CCDC102B: variants seen among roughly 807,000 people sequenced by gnomAD.
The protein encoded by CCDC102B is coiled-coil domain-containing protein 102B.
In CCDC102B, 75 loss-of-function variants were observed where a neutral mutation model predicts 57.4. The ratio of observed to expected loss-of-function variants is 1.31; its 90% CI spans 1.08 to 1.58. CCDC102B has a LOEUF of 1.58. Ranked by LOEUF, CCDC102B falls within the 40% of genes most tolerant of loss-of-function variation. CCDC102B has a pLI of 0.00. For missense variants in CCDC102B, 636 were observed against 582.6 expected (o/e 1.09, Z -0.94); for synonymous variants, 206 against 201.9 (o/e 1.02, Z -0.17).
At chr18:68,797,273 C>T (rs559378817), upstream of CCDC102B, among the ~76,000 whole-genome samples, 8 of 152,220 alleles carry the variant, frequency 5.3e-5, no homozygotes, top group South Asian at 1.7e-3. Flanking sequence ...AATTTGAAGA[C>T]ATTTATTGCC....
intron 7 of CCDC102B, among the ~76,000 whole-genome samples, chr18:69,041,894 G>A (rs2052444801): frequency 6.6e-6 from 1 of 151,910 alleles, no homozygotes; most frequent in Non-Finnish European, 1.5e-5. Context: ...TTACATCATT[G>A]TGTTTATTTT....
intron 6 of CCDC102B, among the ~76,000 whole-genome samples, chr18:68,963,253 T>A (rs1393864882): frequency 6.6e-6 from 1 of 152,002 alleles, no homozygotes; most frequent in African/African-American, 2.4e-5. Flanking sequence ...AATGGTTTTA[T>A]GTCCGAATAA....
intron 6 of CCDC102B, among the ~76,000 whole-genome samples, chr18:69,010,636 T>C (rs1301229341): frequency 6.6e-6 from 1 of 152,244 alleles, no homozygotes; most frequent in Non-Finnish European, 1.5e-5. Context: ...ATTTTATTTA[T>C]GGTTATGTGA....
chr18:69,010,159 G>C (rs975814576), intron 6 of CCDC102B, among the ~76,000 whole-genome samples: 1 of 137,156 alleles, frequency 7.3e-6, no homozygotes, highest in Admixed American at 7.9e-5. Flanking sequence ...AGCTAGGATG[G>C]TCTCCATCTT....
At chr18:68,959,077 T>C (rs955511508) in intron 6 of CCDC102B, among the ~76,000 whole-genome samples, 4 of 152,198 alleles carry the variant, frequency 2.6e-5, no homozygotes, top group African/African-American at 9.6e-5. Context: ...CATCAGTGTG[T>C]GGGCATTTAA....
chr18:68,896,691 A>G (rs1045409321), intron 5 of CCDC102B, among the ~76,000 whole-genome samples: 3 of 151,892 alleles, frequency 2.0e-5, no homozygotes, highest in Non-Finnish European at 4.4e-5. Context: ...ATGATAAATT[A>G]TATATATTTT....
At chr18:69,047,677 A>G (rs1180121896) in intron 7 of CCDC102B, among the ~76,000 whole-genome samples, 1 of 152,124 alleles carries the variant, frequency 6.6e-6, no homozygotes, top group East Asian at 1.9e-4. Flanking sequence ...GATCTGATAA[A>G]CAACTTCAGC....
chr18:69,047,372 G>C lies in CCDC102B; in HGVS notation c.1435-6658G>C, dbSNP rs559242331. Among the ~76,000 whole-genome samples the C allele has an allele frequency of 2.6e-5, 4 of 152,100 alleles. No homozygotes were observed. The South Asian group carries it at 6.2e-4, about 24-fold the overall frequency. On this transcript the variant is annotated intron_variant, in intron 7 of 7. Transcript: ENST00000360242. The stretch of plus-strand genomic sequence containing the variant: ...ATCTTAAAAACCCTCAGTAAACTAG[G>C]CATTGAAGGACCATACTTCAAAATA...
rs146242147 is a variant in CCDC102B at position 68,889,980 on chromosome 18, C to T, written c.1054-7239C>T. 2.0e-3 allele frequency among the ~76,000 whole-genome samples: 300 copies of T among 152,298 alleles called. 1 individual carries two copies. Among genetic ancestry groups the T allele is most frequent in the Middle Eastern group, 6.8e-3 (2 of 294 alleles). ...ACTTTCCTCGCAGCAGCACTGACAT[C>T]AAGCATTTCTTCAAACAGCCCTGGC... On this transcript the variant is annotated intron_variant, in intron 5 of 7. Transcript: ENST00000360242.
At chr18:68,803,512 A>T (rs1016564881) in intron 1 of CCDC102B, among the ~76,000 whole-genome samples, 1 of 152,202 alleles carries the variant, frequency 6.6e-6, no homozygotes, top group Non-Finnish European at 1.5e-5. Context: ...AACCACGAGG[A>T]ATCTTGGCAG....
At chr18:68,877,903 C>A (rs1322091883) in intron 5 of CCDC102B, among the ~76,000 whole-genome samples, 2 of 152,028 alleles carry the variant, frequency 1.3e-5, no homozygotes, top group East Asian at 1.9e-4. Context: ...TGCAATAGTG[C>A]GTGGCTCGTA....
At chr18:68,722,134 G>T (rs1402031033) in intron 2 of CCDC102B, among the ~76,000 whole-genome samples, 1 of 152,154 alleles carries the variant, frequency 6.6e-6, no homozygotes, top group Non-Finnish European at 1.5e-5. Flanking sequence ...CCGTAGTATT[G>T]TCTCTGGCTT....
intron 3 of CCDC102B, among the ~76,000 whole-genome samples, chr18:68,842,831 C>A (rs1278783121): frequency 6.6e-6 from 1 of 152,092 alleles, no homozygotes; most frequent in Admixed American, 6.6e-5. Context: ...ATATTTTGAG[C>A]TATAATGTCA....
intron 6 of CCDC102B, among the ~76,000 whole-genome samples, chr18:68,930,715 T>G (rs2041642075): frequency 6.6e-6 from 1 of 151,960 alleles, no homozygotes; most frequent in Admixed American, 6.6e-5. Context: ...TGAGCACTGA[T>G]TGAAAGATGC....
At chr18:68,834,757 T>C (rs1402787577) in intron 1 of CCDC102B, among the ~76,000 whole-genome samples, 2 of 151,932 alleles carry the variant, frequency 1.3e-5, no homozygotes, top group African/African-American at 4.8e-5. Flanking sequence ...TTTAAAATTA[T>C]AAGGTCTATT....
chr18:68,902,892 T>A (rs1341982493), intron 6 of CCDC102B, among the ~76,000 whole-genome samples: 1 of 152,158 alleles, frequency 6.6e-6, no homozygotes, highest in South Asian at 2.1e-4. Flanking sequence ...AGGAGATGGA[T>A]GAAGGATTGC....
intron 5 of CCDC102B, among the ~76,000 whole-genome samples, chr18:68,876,476 C>T (rs1455247571): frequency 1.3e-5 from 2 of 152,102 alleles, no homozygotes; most frequent in Admixed American, 6.5e-5. Context: ...TTATCTTTGA[C>T]ATGAAGGATA....
intron 2 of CCDC102B, among the ~76,000 whole-genome samples, chr18:68,769,929 A>AT (rs1199347075): frequency 6.6e-6 from 1 of 152,196 alleles, no homozygotes; most frequent in Non-Finnish European, 1.5e-5. Flanking sequence ...TGCATTGAAT[A>AT]TATTAGGATG....
At chr18:68,875,272 C>G (rs914791192) in intron 5 of CCDC102B, among the ~76,000 whole-genome samples, 2 of 152,120 alleles carry the variant, frequency 1.3e-5, no homozygotes, top group Admixed American at 1.3e-4. Flanking sequence ...CTCCTGCCAC[C>G]ACCAACAATA....
Sources: allele counts gnomAD v4.1 joint callset (sites outside exome capture counted in the v4.1 genomes callset), GRCh38; gene constraint gnomAD v4.1.1; transcripts MANE v1.5; gene names NCBI Gene and HGNC (gene_info 2026-07-23, HGNC 2026-07-21).